NAV3: variants seen among roughly 807,000 people sequenced by gnomAD.
The protein encoded by NAV3 is neuron navigator 3.
Under a neutral mutation model 244.7 loss-of-function variants are expected in NAV3, and 87 were observed. The observed-to-expected ratio is 0.36, with a 90% CI of 0.30 to 0.42. NAV3 has a LOEUF of 0.42. Among genes scored for constraint, NAV3 ranks in the 20% least tolerant of loss-of-function variants. The pLI, the probability that NAV3 is intolerant of heterozygous loss-of-function variation, is 1.00. For missense variants in NAV3, 2,663 were observed against 2,893.3 expected (o/e 0.92, Z 1.83); for synonymous variants, 1,126 against 1,042.2 (o/e 1.08, Z -1.55).
intron 12 of NAV3, among the ~76,000 whole-genome samples, chr12:78,098,277 G>C (rs1396096768): frequency 6.6e-6 from 1 of 151,772 alleles, no homozygotes; most frequent in East Asian, 1.9e-4. Context: ...TTTTTAAAAG[G>C]CTTGAATTTC....
rs771266988 is a variant in NAV3 at position 78,177,186 on chromosome 12, A to C, written c.5170A>C (p.Lys1724Gln). The change falls in exon 27 of 40, where the codon AAG becomes CAG. Residue 1724 changes from lysine (K) to glutamine (Q), a missense_variant. Around this residue, in one of 6 missense-constraint regions of NAV3, gnomAD observed 193 missense variants for 200.7 expected, o/e 0.96. Coordinates refer to ENST00000397909, the MANE Select transcript of NAV3 (RefSeq NM_001024383.2). The part of the protein sequence containing the change: ...KQAFGKKKST[K>Q]PPSSHSDIEE... Reference sequence around the variant, plus strand: ...AGCCTTTGGGAAGAAAAAGTCCACCAAGCCTCCTTCATCACATTCTGACAT... The same window carrying C: ...AGCCTTTGGGAAGAAAAAGTCCACCCAGCCTCCTTCATCACATTCTGACAT... 1 of 1,613,408 alleles carries C rather than the reference A, an allele frequency of 6.2e-7. No homozygotes were observed. The highest frequency in any genetic ancestry group is 8.5e-7 in the Non-Finnish European group (1 of 1,179,580).
intron 12 of NAV3, among the ~76,000 whole-genome samples, chr12:78,104,038 C>T (rs1317010521): frequency 6.6e-6 from 1 of 152,124 alleles, no homozygotes; most frequent in East Asian, 1.9e-4. Flanking sequence ...GAACAGTATT[C>T]TTATGATTGT....
intron 28 of NAV3, among the ~76,000 whole-genome samples, chr12:78,179,174 TAGAGGTTTAAGTCCC>T (rs1479701882): frequency 2.3e-4 from 35 of 152,192 alleles, no homozygotes; most frequent in Admixed American, 4.6e-4. Context: ...ATGTTGCAAA[TAGAGGTTTAAGTCCC>T]TTGAAAATGT....
chr12:77,996,269 T>A (rs1434046250), intron 6 of NAV3, among the ~76,000 whole-genome samples: 2 of 152,144 alleles, frequency 1.3e-5, no homozygotes, highest in Non-Finnish European at 2.9e-5. Flanking sequence ...CTTGGCCAAA[T>A]TCATTAGTTG....
intron 12 of NAV3, among the ~76,000 whole-genome samples, chr12:78,082,199 G>A (rs1305677753): frequency 6.6e-6 from 1 of 152,144 alleles, no homozygotes; most frequent in Non-Finnish European, 1.5e-5. Context: ...GGCCTCCCCA[G>A]CCATGTGGAA....
At chr12:77,897,789 A>G (rs562848030) in intron 1 of NAV3, among the ~76,000 whole-genome samples, 2 of 151,538 alleles carry the variant, frequency 1.3e-5, no homozygotes, top group East Asian at 3.9e-4. Context: ...CATGCTTGCT[A>G]CCCAAAGCAT....
chr12:78,109,372 T>C (rs1954970726), intron 12 of NAV3, among the ~76,000 whole-genome samples: 1 of 151,968 alleles, frequency 6.6e-6, no homozygotes, highest in African/African-American at 2.4e-5. Context: ...ATTCTACCAA[T>C]CATGCAAAGA....
intron 2 of NAV3, among the ~76,000 whole-genome samples, chr12:77,807,240 C>A (rs753062385): frequency 6.6e-6 from 1 of 152,096 alleles, no homozygotes; most frequent in East Asian, 1.9e-4. Context: ...GGTTATTTTG[C>A]CAATTAGTTG....
At chr12:78,127,285 G>A (rs878966947) in intron 17 of NAV3, 77 bp downstream of exon 17, 119 of 1,423,224 alleles carry the variant, frequency 8.4e-5, no homozygotes, top group South Asian at 5.5e-4. Context: ...TTCCTTCTTT[G>A]TTTGTTTGCA....
intron 2 of NAV3, among the ~76,000 whole-genome samples, chr12:77,668,965 A>G (rs927091178): frequency 2.6e-5 from 4 of 152,240 alleles, no homozygotes; most frequent in Non-Finnish European, 5.9e-5. Context: ...AAGAAACCCT[A>G]CAAGCTAGAA....
chr12:78,019,662 AC>A (rs1186368591), intron 8 of NAV3, among the ~76,000 whole-genome samples: 1 of 152,054 alleles, frequency 6.6e-6, no homozygotes, highest in East Asian at 1.9e-4. Flanking sequence ...AAGTGTAAAG[AC>A]CCTGTTTTGG....
At chr12:77,924,858 G>A (rs1219969414) in intron 1 of NAV3, among the ~76,000 whole-genome samples, 2 of 151,890 alleles carry the variant, frequency 1.3e-5, no homozygotes, top group Non-Finnish European at 2.9e-5. Context: ...GACTTATAGT[G>A]TATAGCTCAT....
intron 3 of NAV3, among the ~76,000 whole-genome samples, chr12:77,942,807 CT>C (rs1268441964): frequency 6.6e-6 from 1 of 152,104 alleles, no homozygotes; most frequent in Non-Finnish European, 1.5e-5. Context: ...TTGCTACAAA[CT>C]TTGTAAAGGA....
At chr12:77,769,962 G>A (rs1869992249) in intron 2 of NAV3, among the ~76,000 whole-genome samples, 1 of 152,110 alleles carries the variant, frequency 6.6e-6, no homozygotes, top group Non-Finnish European at 1.5e-5. Context: ...TACACAAAAT[G>A]TATGTTAAAT....
chr12:77,865,565 A>G (rs1004620234), intron 1 of NAV3, among the ~76,000 whole-genome samples: 1 of 152,090 alleles, frequency 6.6e-6, no homozygotes, highest in Non-Finnish European at 1.5e-5. Context: ...CAGTAATTAA[A>G]AAATTAATTT....
intron 2 of NAV3, among the ~76,000 whole-genome samples, chr12:77,598,278 A>C (rs1179793927): frequency 6.6e-6 from 1 of 152,082 alleles, no homozygotes; most frequent in African/African-American, 2.4e-5. Context: ...GAAATGGCTG[A>C]ATAATCTTTG....
rs1194000104 is a variant in NAV3, at chr12:77,820,157, CTT to C, written c.73-120160_73-120159del. Among the ~76,000 whole-genome samples, 8 of 151,832 alleles carry C rather than the reference CTT, an allele frequency of 5.3e-5. No homozygotes were observed. In the East Asian group the frequency reaches 9.7e-4, roughly 18 times the overall value. Reference sequence around the variant, plus strand: ...AAGCAGATAAAAAAGGAAAGGAAAACTTTGAAGGGTTTACGTAGACTTTTTGA... The same window carrying C: ...AAGCAGATAAAAAAGGAAAGGAAAACTGAAGGGTTTACGTAGACTTTTTGA... On this transcript the variant is annotated intron_variant, in intron 2 of 8. Transcript: ENST00000550042.
At chr12:78,144,094 C>A (rs1301600123) in intron 20 of NAV3, among the ~76,000 whole-genome samples, 1 of 151,978 alleles carries the variant, frequency 6.6e-6, no homozygotes, top group Non-Finnish European at 1.5e-5. Flanking sequence ...ATTTTTGATC[C>A]CTGCAATAGA....
chr12:78,045,015 A>G (rs1180591420), intron 9 of NAV3, among the ~76,000 whole-genome samples: 2 of 152,158 alleles, frequency 1.3e-5, no homozygotes, highest in Non-Finnish European at 2.9e-5. Context: ...GCAGGTTTTC[A>G]AAGGGAATGC....
Sources: allele counts gnomAD v4.1 joint callset (sites outside exome capture counted in the v4.1 genomes callset), GRCh38; gene constraint gnomAD v4.1.1; regional missense constraint gnomAD v4.1.1; transcripts MANE v1.5; gene names NCBI Gene and HGNC (gene_info 2026-07-23, HGNC 2026-07-21).